Variants in EDA observed in about 807,000 individuals in gnomAD.
The protein encoded by EDA is ectodysplasin A, also known as ectodysplasin-A.
EDA carries 2 observed loss-of-function variants against 23.6 expected under a neutral mutation model. That is an observed-to-expected ratio of 0.08 (90% CI 0.03 to 0.27). The LOEUF is 0.27. EDA is among the 10% of genes least tolerant of loss of function. The pLI is 1.00. For missense variants in EDA, 229 were observed against 324.2 expected, an observed-to-expected ratio of 0.71 and a Z score of 2.26; for synonymous variants, 131 against 132.0, an observed-to-expected ratio of 0.99 and a Z score of 0.05.
chrX:69,813,417 G>A (rs2016008225), intron 1 of EDA, among the ~76,000 whole-genome samples: 1 of 111,213 alleles, frequency 9.0e-6, no homozygotes, highest in Non-Finnish European at 1.9e-5. Context: ...CACTCTCTGA[G>A]GCCTTCTTTG....
chrX:69,870,900 C>T (rs55668612), intron 1 of EDA, among the ~76,000 whole-genome samples: 33,214 of 110,523 alleles, frequency 0.3, 4,694 homozygotes, highest in Middle Eastern at 0.54. Context: ...AGCAGATTTG[C>T]GGCTCAGTAT....
intron 1 of EDA, among the ~76,000 whole-genome samples, chrX:69,828,342 A>G (rs1019146951): frequency 2.7e-5 from 3 of 112,308 alleles, no homozygotes; most frequent in Non-Finnish European, 5.6e-5. Flanking sequence ...CTGTGCTAGC[A>G]ATCAGCGAGA....
At chrX:69,862,009 A>T in intron 1 of EDA, among the ~76,000 whole-genome samples, 1 of 112,213 alleles carries the variant, frequency 8.9e-6, no homozygotes, top group Middle Eastern at 4.6e-3. Context: ...AATAACAAGT[A>T]CTTATCTCAC....
At chrX:69,897,376 A>G (rs2018032087) in intron 1 of EDA, among the ~76,000 whole-genome samples, 1 of 111,919 alleles carries the variant, frequency 8.9e-6, no homozygotes, top group Non-Finnish European at 1.9e-5. Flanking sequence ...TTACTTGTAA[A>G]TCTTCTCCAT....
At chrX:69,990,917 T>C (rs1409996) in intron 2 of EDA, among the ~76,000 whole-genome samples, 9,813 of 110,279 alleles carry the variant, frequency 0.089, 361 homozygotes, top group Non-Finnish European at 0.11. Flanking sequence ...GTAAACTATA[T>C]TCATCTGTCT....
chrX:70,018,640 A>G (rs1311105429), intron 2 of EDA, among the ~76,000 whole-genome samples: 1 of 112,231 alleles, frequency 8.9e-6, no homozygotes, highest in African/African-American at 3.2e-5. Flanking sequence ...ATAAGCAGAG[A>G]TAATTGAAAC....
intron 2 of EDA, among the ~76,000 whole-genome samples, chrX:70,008,855 T>C (rs2019836522): frequency 8.9e-6 from 1 of 111,862 alleles, no homozygotes; most frequent in Non-Finnish European, 1.9e-5. Flanking sequence ...GGAATTAGTA[T>C]GATTTCATCT....
intron 2 of EDA, among the ~76,000 whole-genome samples, chrX:69,974,379 G>A (rs770662295): frequency 9.0e-6 from 1 of 110,769 alleles, no homozygotes; most frequent in African/African-American, 3.3e-5. Flanking sequence ...AATGAAACTG[G>A]ACCCCTACCC....
intron 2 of EDA, among the ~76,000 whole-genome samples, chrX:70,011,765 A>C (rs1225401480): frequency 9.0e-6 from 1 of 111,354 alleles, no homozygotes; most frequent in Non-Finnish European, 1.9e-5. Context: ...TGTCTGAGGA[A>C]GTCTTTATTT....
chrX:70,003,790 A>G (rs2019768281), intron 2 of EDA, among the ~76,000 whole-genome samples: 1 of 112,248 alleles, frequency 8.9e-6, no homozygotes, highest in South Asian at 3.7e-4. Flanking sequence ...GATATGAGAA[A>G]TCTTCAATGA....
At chrX:69,934,420 A>G (rs1315003624) in intron 1 of EDA, among the ~76,000 whole-genome samples, 1 of 110,968 alleles carries the variant, frequency 9.0e-6, no homozygotes, top group Non-Finnish European at 1.9e-5. Flanking sequence ...CAATTTTCAA[A>G]CTTTTCTGTG....
At chrX:69,970,605 C>T (rs1358894642) in intron 2 of EDA, among the ~76,000 whole-genome samples, 1 of 111,425 alleles carries the variant, frequency 9.0e-6, no homozygotes, top group Admixed American at 9.6e-5. Flanking sequence ...ACATAAAGTG[C>T]TGCTCAACAT....
chrX:69,903,999 G>C (rs1333314777), intron 1 of EDA, among the ~76,000 whole-genome samples: 2 of 109,791 alleles, frequency 1.8e-5, no homozygotes, highest in Non-Finnish European at 3.8e-5. Flanking sequence ...TTTTTTTAAA[G>C]ACGGGGTTTC....
intron 1 of EDA, among the ~76,000 whole-genome samples, chrX:69,699,828 G>A (rs2011482728): frequency 9.0e-6 from 1 of 110,787 alleles, no homozygotes; most frequent in Non-Finnish European, 1.9e-5. Context: ...AAAGGCTCAT[G>A]GAGAGGGCCT....
intron 2 of EDA, among the ~76,000 whole-genome samples, chrX:70,003,548 C>T: frequency 8.9e-6 from 1 of 111,775 alleles, no homozygotes; most frequent in African/African-American, 3.2e-5. Context: ...CCCAAGGTTA[C>T]ATAGCTATTG....
At chrX:69,685,992 T>C (rs988945751) in intron 1 of EDA, among the ~76,000 whole-genome samples, 1 of 112,569 alleles carries the variant, frequency 8.9e-6, no homozygotes, top group Non-Finnish European at 1.9e-5. Context: ...TGAAATGGCA[T>C]GTCTTTCTTT....
chrX:69,950,666 C>T (rs1244014225), intron 1 of EDA, among the ~76,000 whole-genome samples: 2 of 82,121 alleles, frequency 2.4e-5, no homozygotes, highest in Non-Finnish European at 4.6e-5. Context: ...GCATTATTCA[C>T]AATAGCAAAG....
chrX:69,867,451 T>C (rs2017504356), intron 1 of EDA, among the ~76,000 whole-genome samples: 2 of 112,404 alleles, frequency 1.8e-5, no homozygotes, highest in African/African-American at 6.5e-5. Flanking sequence ...TTTCCAATCA[T>C]GCTTCTTCCA....
intron 2 of EDA, among the ~76,000 whole-genome samples, chrX:69,969,614 C>T (rs1243159757): frequency 8.9e-6 from 1 of 111,874 alleles, no homozygotes; most frequent in Non-Finnish European, 1.9e-5. Context: ...AATAAGTTTA[C>T]ATTGTAACCT....
Sources: allele counts gnomAD v4.1 joint callset (sites outside exome capture counted in the v4.1 genomes callset), GRCh38; gene constraint gnomAD v4.1.1; transcripts MANE v1.5; gene names NCBI Gene and HGNC (gene_info 2026-07-23, HGNC 2026-07-21).